The following HEPHL1 variants were observed in gnomAD, a reference collection of about 807,000 sequenced individuals.
The protein encoded by HEPHL1 is ferroxidase HEPHL1.
Under a neutral mutation model 122.0 loss-of-function variants are expected in HEPHL1, and 123 were observed. The ratio of observed to expected loss-of-function variants is 1.01; its 90% confidence interval spans 0.87 to 1.17. The LOEUF (loss-of-function observed/expected upper bound fraction) is 1.17. Ranked by LOEUF, HEPHL1 falls within the 50% of genes most tolerant of loss-of-function variation. The probability of loss-of-function intolerance (pLI) is 0.00; values close to 1 mark genes in which losing one functional copy is unlikely to be tolerated. For synonymous variants in HEPHL1, 527 were observed against 508.9 expected (o/e 1.04, Z -0.48); for missense variants, 1,452 against 1,430.5 (o/e 1.01, Z -0.24).
Position 94,088,744 on chromosome 11 carries a change from T to G in HEPHL1, c.2081-11T>G. The G allele has an allele frequency of 1.2e-6, 2 of 1,607,676 alleles. No individual in the cohort carries two copies. Among genetic ancestry groups the G allele is most frequent in the Non-Finnish European group, 1.7e-6 (2 of 1,175,824 alleles). The stretch of plus-strand genomic sequence containing the variant: ...AGCACCACACTCAATGCCGAGCCAT[T>G]TCTCTTGCAGGTATTTTTAGGGTGT... On this transcript the variant is annotated splice_polypyrimidine_tract_variant and intron_variant, in intron 11 of 19. Coordinates refer to ENST00000315765, the MANE Select transcript of HEPHL1 (RefSeq NM_001098672.2).
intron 2 of HEPHL1, among the ~76,000 whole-genome samples, chr11:94,059,401 G>C (rs1945965407): frequency 6.6e-6 from 1 of 152,006 alleles, no homozygotes; most frequent in South Asian, 2.1e-4. Context: ...TACTTTCTTT[G>C]AATAGGAATT....
rs548443107 is a variant in HEPHL1 at position 94,034,445 on chromosome 11, T to C, written c.171-11228T>C. Among the ~76,000 whole-genome samples, 52 of 152,336 alleles carry C rather than the reference T, an allele frequency of 3.4e-4. 1 individual carries two copies. Among genetic ancestry groups the C allele is most frequent in the African/African-American group, 8.9e-4 (37 of 41,572 alleles). ...GAGTCACTGTATACTAATGTGATCA[T>C]CTCTTTGAGGAAATGAAGATGAAGC... is the stretch of plus-strand genomic sequence containing the variant. On this transcript the variant is annotated intron_variant, in intron 1 of 19. Transcript: ENST00000315765.
chr11:94,110,950 A>T lies in HEPHL1; in HGVS notation c.3093A>T (p.Thr1031=). ...REDVYDLFPG[T]FQTIELFADH... ...ATGTGTATGATCTCTTTCCTGGGAC[A>T]TTCCAAACCATTGAACTGTTTGCAG... is the stretch of plus-strand genomic sequence containing the variant. Residue 1031 remains threonine, a synonymous_variant, in exon 18 of 20, where the codon ACA becomes ACT. Coordinates refer to ENST00000315765, the MANE Select transcript of HEPHL1 (RefSeq NM_001098672.2). 6.2e-7 allele frequency: 1 copy of T among 1,613,276 alleles called. No homozygotes were observed. The highest frequency in any genetic ancestry group is 8.5e-7 in the Non-Finnish European group (1 of 1,179,628).
chr11:94,093,969 C>CAGATATATATATAT (rs1946284028), intron 13 of HEPHL1, among the ~76,000 whole-genome samples: 1 of 50,716 alleles, frequency 2.0e-5, no homozygotes, highest in African/African-American at 7.5e-5. Flanking sequence ...AATCCTCCAG[C>CAGATATATATATAT]AGATATATAT....
chr11:94,053,234 G>A (rs1309892757), intron 2 of HEPHL1, among the ~76,000 whole-genome samples: 1 of 151,894 alleles, frequency 6.6e-6, no homozygotes, highest in Non-Finnish European at 1.5e-5. Context: ...CATCTCAGTT[G>A]TCTATTATTT....
intron 2 of HEPHL1, among the ~76,000 whole-genome samples, chr11:94,057,088 G>A (rs1173792878): frequency 6.6e-6 from 1 of 151,914 alleles, no homozygotes; most frequent in African/African-American, 2.4e-5. Context: ...TTGTCTTCTG[G>A]GTTCGAATGT....
intron 2 of HEPHL1, among the ~76,000 whole-genome samples, chr11:94,054,384 G>A (rs1311439010): frequency 6.6e-6 from 1 of 152,140 alleles, no homozygotes; most frequent in African/African-American, 2.4e-5. Flanking sequence ...CCGGGTATTA[G>A]GACCCTGGGG....
Position 94,111,892 on chromosome 11 carries a change from T to C in HEPHL1, c.3478T>C (p.Ter1160ArgextTer43). The change falls in exon 20 of 20, where the codon TGA becomes CGA. Residue 1160 changes from the stop codon to arginine (R), a stop_lost. Transcript: ENST00000315765. Reference protein sequence around the residue: ...QSCALPTDAL* With the variant: ...QSCALPTDALR ...CTGTGCTCTCCCCACGGATGCTCTG[T>C]GAACCATCTGGTCTCCCTCAACAGG... The C allele has an allele frequency of 6.6e-7, 1 of 1,510,668 alleles. No individual in the cohort carries two copies. Among genetic ancestry groups the C allele is most frequent in the South Asian group, 1.4e-5 (1 of 73,438 alleles). The allele number at this position is 1,510,668 out of a possible 1,614,324, so 93.6% of individuals were successfully genotyped here.
chr11:94,082,204 G>A (rs899791704), intron 9 of HEPHL1, among the ~76,000 whole-genome samples: 1 of 152,212 alleles, frequency 6.6e-6, no homozygotes, highest in African/African-American at 2.4e-5. Context: ...TTTCCTTGGA[G>A]GACGGATGTA....
At chr11:94,036,916 G>A (rs1214375568) in intron 1 of HEPHL1, among the ~76,000 whole-genome samples, 6 of 151,986 alleles carry the variant, frequency 3.9e-5, no homozygotes, top group South Asian at 2.1e-4. Flanking sequence ...CAGCGTGAGC[G>A]ACACAGAAGA....
In HEPHL1 at chr11:94,075,205, A is replaced by G; in HGVS notation, c.1536A>G (p.Pro512=). The part of the protein sequence containing the change: ...GFVKPGAHVK[P]GETFTYKWTV... ...TGAAACCAGGGGCGCATGTTAAACC[A>G]GGTGAAACCTTCACATACAAGTGGA... The change falls in exon 9 of 20, where the codon CCA becomes CCG. Residue 512 remains proline (P), a synonymous_variant. Transcript: ENST00000315765. 3 of 1,613,290 alleles carry G rather than the reference A, an allele frequency of 1.9e-6. No individual in the cohort carries two copies. The highest frequency in any genetic ancestry group is 2.5e-6 in the Non-Finnish European group (3 of 1,179,530).
At chr11:94,022,165 C>T (rs12276417) in intron 1 of HEPHL1, among the ~76,000 whole-genome samples, 2,767 of 152,230 alleles carry the variant, frequency 0.018, 80 homozygotes, top group African/African-American at 0.064. Context: ...GATGGCGCCA[C>T]GGTGTTCTAT....
chr11:94,093,619 G>C lies in HEPHL1; in HGVS notation c.2413G>C (p.Glu805Gln). 6.2e-7 allele frequency: 1 copy of C among 1,613,566 alleles called. No homozygotes were observed. ...FVEIKARPPR[E>Q]EHLELLGPMI... The stretch of plus-strand genomic sequence containing the variant: ...GGAGATCAAAGCCCGACCACCACGA[G>C]AGGAGCACTTAGAACTCCTGGGTAT... The change falls in exon 13 of 20, where the codon GAG (glutamate) becomes CAG (glutamine). Residue 805 changes from glutamate to glutamine, a missense_variant. Glu to Gln is a conservative substitution (Grantham distance 29). Transcript: ENST00000315765.
At chr11:94,045,269 A>T (rs982789779) in intron 1 of HEPHL1, among the ~76,000 whole-genome samples, 2 of 152,210 alleles carry the variant, frequency 1.3e-5, no homozygotes, top group Non-Finnish European at 2.9e-5. Context: ...CATTCACTTG[A>T]CACTTAATTA....
rs1037369331 is a variant in HEPHL1, at chr11:94,075,256, T to G, written c.1587T>G (p.Thr529=). The change falls in exon 9 of 20, where the codon ACT becomes ACG. Residue 529 remains threonine, a synonymous_variant. Coordinates refer to ENST00000315765, the MANE Select transcript of HEPHL1 (RefSeq NM_001098672.2). ...CAGTGCCTGAGAGCGTAAGCCCAAC[T>G]GCTGGTGATCCTCCCTGTCTGACCT... The part of the protein sequence containing the change: ...KWTVPESVSP[T]AGDPPCLTYL... 2 of 1,613,518 alleles carry G rather than the reference T, an allele frequency of 1.2e-6. No homozygotes were observed. Among genetic ancestry groups the G allele is most frequent in the African/African-American group, 2.7e-5 (2 of 75,024 alleles).
intron 1 of HEPHL1, among the ~76,000 whole-genome samples, chr11:94,044,133 C>T (rs1591466834): frequency 6.6e-6 from 1 of 151,766 alleles, no homozygotes; most frequent in Admixed American, 6.6e-5. Context: ...GCAAATAGAC[C>T]GAGAATGGGG....
intron 6 of HEPHL1, among the ~76,000 whole-genome samples, chr11:94,072,587 TTAAC>T (rs1213467360): frequency 6.6e-6 from 1 of 152,108 alleles, no homozygotes; most frequent in Non-Finnish European, 1.5e-5. Flanking sequence ...CACTATTTGA[TTAAC>T]TAGACACTCC....
rs1196317624 is a variant in HEPHL1 at position 94,101,243 on chromosome 11, A to G, written c.2483A>G (p.Lys828Arg). Residue 828 changes from lysine (K) to arginine (R), a missense_variant, in exon 14 of 20, where the codon AAG (lysine) becomes AGG (arginine). By Grantham distance (26) the Lys-to-Arg change is conservative (BLOSUM62 2). Coordinates refer to ENST00000315765, the MANE Select transcript of HEPHL1 (RefSeq NM_001098672.2). ...EVGNTVLIIF[K>R]NKASRPYSIS... ...GGCAACACCGTCCTGATCATATTTA[A>G]GAACAAAGCCAGTAGGCCCTACTCC... is the stretch of plus-strand genomic sequence containing the variant. 6.2e-7 allele frequency: 1 copy of G among 1,614,026 alleles called. No individual in the cohort carries two copies. The highest frequency in any genetic ancestry group is 8.5e-7 in the Non-Finnish European group (1 of 1,179,886).
chr11:94,036,566 G>C (rs974101501), intron 1 of HEPHL1, among the ~76,000 whole-genome samples: 3 of 152,098 alleles, frequency 2.0e-5, no homozygotes, highest in African/African-American at 7.2e-5. Context: ...ACCCATCTTA[G>C]AATTACCCTG....
Sources: gnomAD v4.1 joint callset for allele counts (sites outside exome capture counted in the v4.1 genomes callset) on GRCh38, gnomAD v4.1.1 for gene constraint, MANE v1.5 for transcripts, NCBI Gene and HGNC (gene_info 2026-07-23, HGNC 2026-07-21) for gene names.